PAMR1: variants seen among roughly 807,000 people sequenced by gnomAD.
PAMR1 encodes the protein peptidase domain containing associated with muscle regeneration 1.
PAMR1 carries 88 observed loss-of-function variants against 81.8 expected under a neutral mutation model. The observed-to-expected ratio is 1.08, with a 90% CI of 0.91 to 1.28. The LOEUF is 1.28. Ranked by LOEUF, PAMR1 falls within the 50% of genes most tolerant of loss-of-function variation. The pLI is 0.00. For missense variants in PAMR1, 935 were observed against 919.7 expected, an observed-to-expected ratio of 1.02 and a Z score of -0.21; for synonymous variants, 336 against 345.3, an observed-to-expected ratio of 0.97 and a Z score of 0.30.
intron 1 of PAMR1, among the ~76,000 whole-genome samples, chr11:35,518,280 T>C (rs1851206286): frequency 1.3e-5 from 2 of 151,942 alleles, no homozygotes; most frequent in African/African-American, 2.4e-5. Flanking sequence ...GAGTAGATGA[T>C]ACCAGGTAGA....
intron 1 of PAMR1, among the ~76,000 whole-genome samples, chr11:35,514,449 T>G (rs1851127941): frequency 6.6e-6 from 1 of 152,222 alleles, no homozygotes; most frequent in African/African-American, 2.4e-5. Flanking sequence ...CCTCTTCCAT[T>G]TATCTTGCCC....
intron 6 of PAMR1, among the ~76,000 whole-genome samples, chr11:35,449,811 C>T (rs1417740754): frequency 1.3e-5 from 2 of 152,196 alleles, no homozygotes; most frequent in African/African-American, 2.4e-5. Flanking sequence ...CAGGGTAGCA[C>T]ATCACTAACT....
chr11:35,520,604 A>T (rs890841791), intron 1 of PAMR1, among the ~76,000 whole-genome samples: 3 of 152,080 alleles, frequency 2.0e-5, no homozygotes, highest in Non-Finnish European at 4.4e-5. Context: ...TAAACATTGC[A>T]TTTCCCTCCC....
chr11:35,467,898 G>A, intron 6 of PAMR1, 103 bp downstream of exon 6: 1 of 685,264 alleles, frequency 1.5e-6, no homozygotes. Flanking sequence ...ATCTTGGACA[G>A]AGCATCCTAG....
intron 6 of PAMR1, among the ~76,000 whole-genome samples, chr11:35,454,283 G>T (rs1856479216): frequency 6.6e-6 from 1 of 152,180 alleles, no homozygotes; most frequent in African/African-American, 2.4e-5. Context: ...CTTCATATGT[G>T]TACCTCATAT....
At chr11:35,502,150 T>A (rs1850859605) in intron 1 of PAMR1, among the ~76,000 whole-genome samples, 1 of 152,202 alleles carries the variant, frequency 6.6e-6, no homozygotes, top group Non-Finnish European at 1.5e-5. Flanking sequence ...GCGGTTTTCA[T>A]TTGCATTTCT....
Position 35,494,262 on chromosome 11 carries a change from G to T in PAMR1, c.84C>A (p.Val28=). The T allele has an allele frequency of 6.2e-7, 1 of 1,613,818 alleles. No individual in the cohort carries two copies. The highest frequency in any genetic ancestry group is 8.5e-7 in the Non-Finnish European group (1 of 1,179,838). Residue 28 remains valine (V), a synonymous_variant, in exon 2 of 11, where the codon GTC becomes GTA. Transcript: ENST00000619888. ...LISSLPREYT[V]INEACPGAEW... is the part of the protein sequence containing the mutation. The stretch of plus-strand genomic sequence containing the variant: ...CTGCTCCAGGGCAGGCTTCATTAAT[G>T]ACTGTGTACTCTGAAATGGAAAACC...
At chr11:35,440,581 A>C (rs768981115) in intron 7 of PAMR1, among the ~76,000 whole-genome samples, 4 of 152,174 alleles carry the variant, frequency 2.6e-5, no homozygotes, top group Non-Finnish European at 4.4e-5. Flanking sequence ...CTTCCCAGTA[A>C]ACAGCCAGAT....
intron 5 of PAMR1, among the ~76,000 whole-genome samples, chr11:35,468,533 T>C (rs1260853236): frequency 6.6e-6 from 1 of 152,216 alleles, no homozygotes; most frequent in Non-Finnish European, 1.5e-5. Context: ...AAGACAATCA[T>C]TATGACACTG....
chr11:35,480,669 T>C (rs537855504), intron 3 of PAMR1, among the ~76,000 whole-genome samples: 1 of 152,352 alleles, frequency 6.6e-6, no homozygotes, highest in Non-Finnish European at 1.5e-5. Context: ...ACTTTTCAAA[T>C]CTCTCCTGAA....
In PAMR1 at chr11:35,470,652, C is replaced by T. The variant is rs373197571; in HGVS notation, c.661G>A (p.Asp221Asn). Reference protein sequence around the residue: ...GSSLHVLFHSDGSKNFDGFHA... With the variant: ...GSSLHVLFHSNGSKNFDGFHA... ...AAACCGTCAAAATTCTTGGAGCCATCGGAGTGGAAGAGGACGTGGAGTGAG... is the reference window on the plus strand; with the variant it reads ...AAACCGTCAAAATTCTTGGAGCCATTGGAGTGGAAGAGGACGTGGAGTGAG... The change falls in exon 5 of 11, where the codon GAT (aspartate) becomes AAT (asparagine). Residue 221 changes from aspartate (D) to asparagine (N), a missense_variant. By Grantham distance (23) the Asp-to-Asn change is conservative. Transcript: ENST00000619888. The T allele has an allele frequency of 6.4e-5, 103 of 1,614,026 alleles. No homozygotes were observed. Among genetic ancestry groups the T allele is most frequent in the Admixed American group, 2.2e-4 (13 of 60,008 alleles).
intron 6 of PAMR1, among the ~76,000 whole-genome samples, chr11:35,461,168 T>C (rs1856645677): frequency 6.6e-6 from 1 of 152,158 alleles, no homozygotes; most frequent in Non-Finnish European, 1.5e-5. Flanking sequence ...CTGCCTGCCA[T>C]GTTAAGTCCT....
chr11:35,478,858 CTG>C (rs1267224667), intron 3 of PAMR1, among the ~76,000 whole-genome samples: 1 of 149,216 alleles, frequency 6.7e-6, no homozygotes, highest in Non-Finnish European at 1.5e-5. Flanking sequence ...GTGTGTGTGT[CTG>C]TGTGTGTGTA....
upstream of PAMR1, among the ~76,000 whole-genome samples, chr11:35,528,575 A>G (rs575522996): frequency 6.6e-6 from 1 of 152,214 alleles, no homozygotes; most frequent in African/African-American, 2.4e-5. Flanking sequence ...AGTTAATAAA[A>G]AACTTTTGTT....
intron 1 of PAMR1, among the ~76,000 whole-genome samples, chr11:35,502,261 TTAA>T (rs1414374620): frequency 6.6e-6 from 1 of 152,184 alleles, no homozygotes; most frequent in Non-Finnish European, 1.5e-5. Context: ...AATTAATTAA[TTAA>T]TTTTTAAGTT....
At chr11:35,502,447 T>A (rs1024525429) in intron 1 of PAMR1, among the ~76,000 whole-genome samples, 1 of 152,112 alleles carries the variant, frequency 6.6e-6, no homozygotes, top group African/African-American at 2.4e-5. Flanking sequence ...TGTGGGTTAT[T>A]CCCCTCCCTG....
intron 1 of PAMR1, among the ~76,000 whole-genome samples, chr11:35,512,594 G>A (rs531673106): frequency 6.6e-6 from 1 of 152,310 alleles, no homozygotes; most frequent in East Asian, 1.9e-4. Context: ...CAGTTCCCAG[G>A]TGGCCTTGGG....
At chr11:35,502,506 C>T (rs1444165345) in intron 1 of PAMR1, among the ~76,000 whole-genome samples, 1 of 143,768 alleles carries the variant, frequency 7.0e-6, no homozygotes, top group Non-Finnish European at 1.5e-5. Context: ...TGAGAACATG[C>T]AGTGTTTGGT....
At chr11:35,438,441 C>T (rs1590316595) in intron 8 of PAMR1, among the ~76,000 whole-genome samples, 1 of 152,184 alleles carries the variant, frequency 6.6e-6, no homozygotes, top group African/African-American at 2.4e-5. Context: ...AGACAGATTG[C>T]TATGATTATA....
Sources: gnomAD v4.1 joint callset for allele counts (sites outside exome capture counted in the v4.1 genomes callset) on GRCh38, gnomAD v4.1.1 for gene constraint, MANE v1.5 for transcripts, NCBI Gene and HGNC (gene_info 2026-07-23, HGNC 2026-07-21) for gene names.